The following SMAD5 variants were observed in gnomAD, a reference collection of about 807,000 sequenced individuals.
SMAD5 encodes the protein MAD, mothers against decapentaplegic homolog 5.
Under a neutral mutation model 43.1 loss-of-function variants are expected in SMAD5, and 9 were observed. The observed-to-expected ratio is 0.21, with a 90% confidence interval of 0.13 to 0.36. The LOEUF (loss-of-function observed/expected upper bound fraction) is 0.36, where lower values mean the gene tolerates loss of function less well. SMAD5 is among the 10% of genes least tolerant of loss of function. The pLI is 1.00. For synonymous variants in SMAD5, 190 were observed against 192.4 expected, an observed-to-expected ratio of 0.99 and a Z score of 0.10; for missense variants, 348 against 574.0, an observed-to-expected ratio of 0.61 and a Z score of 4.02.
Position 136,177,855 on chromosome 5 carries a change from G to A in SMAD5, c.*375G>A, listed in dbSNP as rs1246233382. 1 of 156,206 alleles carries A rather than the reference G, an allele frequency of 6.4e-6. No individual in the cohort carries two copies. Among genetic ancestry groups the A allele is most frequent in the East Asian group, 1.9e-4 (1 of 5,324 alleles). 9.7% of individuals were successfully genotyped at this position (156,206 alleles called of 1,614,324 possible). ...TATAAGAGGGCATATACAGTGAAGAGTAAGTTTTCCCTCCTACTCTCGATC... is the reference window on the plus strand; with the variant it reads ...TATAAGAGGGCATATACAGTGAAGAATAAGTTTTCCCTCCTACTCTCGATC... On this transcript the variant is annotated 3_prime_UTR_variant, in exon 8 of 8. Transcript: ENST00000545279.
intron 1 of SMAD5, chr5:136,147,423 A>G (rs1236361669): frequency 6.6e-6 from 1 of 151,776 alleles, no homozygotes; most frequent in Non-Finnish European, 1.5e-5. Context: ...TAACAATTTG[A>G]ATGTTTTGGA....
intron 1 of SMAD5, among the ~76,000 whole-genome samples, chr5:136,137,523 C>A (rs1580757817): frequency 6.6e-6 from 1 of 152,106 alleles, no homozygotes; most frequent in Non-Finnish European, 1.5e-5. Flanking sequence ...CAGAATATGG[C>A]TGGTGCTTTC....
At chr5:136,154,246 A>T in intron 3 of SMAD5, 83 bp downstream of exon 3, 1 of 838,726 alleles carries the variant, frequency 1.2e-6, no homozygotes, top group Non-Finnish European at 1.7e-6. Context: ...AGATTTAGTA[A>T]TGAAAAGGTT....
chr5:136,156,896 C>T (rs532818496), intron 3 of SMAD5, among the ~76,000 whole-genome samples: 11 of 152,250 alleles, frequency 7.2e-5, no homozygotes, highest in South Asian at 2.1e-4. Flanking sequence ...CCTCATGTTT[C>T]GCCCTGAGCC....
chr5:136,168,403 T>C (rs1286271444), intron 5 of SMAD5, among the ~76,000 whole-genome samples: 6 of 152,146 alleles, frequency 3.9e-5, no homozygotes, highest in African/African-American at 1.4e-4. Flanking sequence ...GTTGTTTTGT[T>C]TTTTTGTTTT....
intron 1 of SMAD5, among the ~76,000 whole-genome samples, chr5:136,144,142 A>C (rs973622959): frequency 1.3e-5 from 2 of 152,008 alleles, no homozygotes; most frequent in Non-Finnish European, 2.9e-5. Flanking sequence ...TGTCTCACCT[A>C]ACACGAATTG....
intron 1 of SMAD5, among the ~76,000 whole-genome samples, chr5:136,143,198 A>G (rs116018104): frequency 0.031 from 4,613 of 150,650 alleles, 99 homozygotes; most frequent in African/African-American, 0.059. Context: ...TGATGTTTTC[A>G]TTATTCAGGG....
chr5:136,160,330 A>C (rs951733650), intron 3 of SMAD5, among the ~76,000 whole-genome samples: 1 of 152,174 alleles, frequency 6.6e-6, no homozygotes, highest in Non-Finnish European at 1.5e-5. Flanking sequence ...CATTCACATA[A>C]CAGATTCCAA....
At chr5:136,145,472 A>G (rs557896620) in intron 1 of SMAD5, among the ~76,000 whole-genome samples, 5 of 152,118 alleles carry the variant, frequency 3.3e-5, no homozygotes, top group African/African-American at 1.2e-4. Flanking sequence ...TGATGGCAGA[A>G]GGATGATACT....
intron 7 of SMAD5, among the ~76,000 whole-genome samples, chr5:136,176,463 A>C (rs1371931000): frequency 4.1e-5 from 3 of 73,312 alleles, no homozygotes; most frequent in South Asian, 3.1e-4. Flanking sequence ...CTCACAAAAA[A>C]AAAAAAAAAA....
chr5:136,158,616 TG>T (rs1398341054), intron 3 of SMAD5, among the ~76,000 whole-genome samples: 1 of 152,090 alleles, frequency 6.6e-6, no homozygotes, highest in Admixed American at 6.6e-5. Context: ...TTGGAAGATC[TG>T]GGCCTGGCAC....
At position 136,165,662 on chromosome 5, in the gene SMAD5, ATTTTTTTTTTTTTTT is replaced by A. The variant is rs58156387; in HGVS notation, c.775+2294_775+2308del. On this transcript the variant is annotated intron_variant, in intron 5 of 7. Coordinates refer to ENST00000545279, the MANE Select transcript of SMAD5 (RefSeq NM_005903.7). ...TACTTCATATAAATGGAATCATACA[ATTTTTTTTTTTTTTT>A]TTTTTTTTTTTTTTTTTTTTTTGTG... Among the ~76,000 whole-genome samples, 478 of 65,466 alleles carry A rather than the reference ATTTTTTTTTTTTTTT, an allele frequency of 7.3e-3. 10 individuals are homozygous for A. Among genetic ancestry groups the A allele is most frequent in the African/African-American group, 0.018 (331 of 18,356 alleles). The allele number at this position is 65,466 out of a possible 152,430, so 42.9% of individuals were successfully genotyped here.
At chr5:136,164,165 C>T (rs1164097199) in intron 5 of SMAD5, among the ~76,000 whole-genome samples, 2 of 152,166 alleles carry the variant, frequency 1.3e-5, no homozygotes, top group Admixed American at 1.3e-4. Context: ...CACTGCACTC[C>T]AGTCTGAGCA....
chr5:136,150,229 A>G (rs992268728), intron 2 of SMAD5, among the ~76,000 whole-genome samples: 1 of 151,588 alleles, frequency 6.6e-6, no homozygotes, highest in Non-Finnish European at 1.5e-5. Context: ...CTGTATCTCC[A>G]GTCATGACCT....
In SMAD5 at chr5:136,177,789, T is replaced by G. The variant is rs1754478241; in HGVS notation, c.*309T>G. The G allele has an allele frequency of 4.3e-6, 1 of 229,944 alleles. No homozygotes were observed. Among genetic ancestry groups the G allele is most frequent in the Non-Finnish European group, 8.4e-6 (1 of 118,450 alleles). 14.2% of individuals were successfully genotyped at this position (229,944 alleles called of 1,614,324 possible). ...TTGCCCTAACAATTTTTTATTAAAT[T>G]TATTTGAAAATGCATCACATGATGA... On this transcript the variant is annotated 3_prime_UTR_variant, in exon 8 of 8. Transcript: ENST00000545279.
chr5:136,145,999 C>A (rs1490566217), intron 1 of SMAD5, among the ~76,000 whole-genome samples: 1 of 151,892 alleles, frequency 6.6e-6, no homozygotes, highest in African/African-American at 2.4e-5. Flanking sequence ...TAGGGCAACT[C>A]CATTCTCCAC....
chr5:136,181,682 A>G lies in SMAD5; in HGVS notation c.*4202A>G, dbSNP rs1379885137. ...CAAAGAATTCTACCTGCTGGACAGA[A>G]ACCTGGAAAGTTCTTTGGAATTCGC... On this transcript the variant is annotated 3_prime_UTR_variant, in exon 8 of 8. Coordinates refer to ENST00000545279, the MANE Select transcript of SMAD5 (RefSeq NM_005903.7). 6.6e-6 allele frequency: 1 copy of G among 152,184 alleles called. No individual in the cohort carries two copies. Among genetic ancestry groups the G allele is most frequent in the Non-Finnish European group, 1.5e-5 (1 of 68,004 alleles). 9.4% of individuals were successfully genotyped at this position (152,184 alleles called of 1,614,324 possible).
At chr5:136,152,388 T>A (rs912597125) in intron 2 of SMAD5, among the ~76,000 whole-genome samples, 2 of 152,204 alleles carry the variant, frequency 1.3e-5, no homozygotes, top group African/African-American at 4.8e-5. Context: ...TACTTTACTC[T>A]GTGTTTACAT....
rs140313998 is a variant in SMAD5 at position 136,144,753 on chromosome 5, T to G, written c.-244-3079T>G. 5.1e-3 allele frequency among the ~76,000 whole-genome samples: 782 copies of G among 152,008 alleles called. 9 individuals are homozygous for G. Among genetic ancestry groups the G allele is most frequent in the African/African-American group, 0.018 (745 of 41,506 alleles). ...AGATTGTCTAGGGCATTATTTCACC[T>G]ATGTGGACTGTCAAATGCATCTTCC... On this transcript the variant is annotated intron_variant, in intron 1 of 7. Coordinates refer to ENST00000545279, the MANE Select transcript of SMAD5 (RefSeq NM_005903.7).
Sources: allele counts gnomAD v4.1 joint callset (sites outside exome capture counted in the v4.1 genomes callset), GRCh38; gene constraint gnomAD v4.1.1; transcripts MANE v1.5; gene names NCBI Gene and HGNC (gene_info 2026-07-23, HGNC 2026-07-21).